The following TTC8 variants were observed in gnomAD, a reference collection of about 807,000 sequenced individuals.
TTC8 encodes the protein tetratricopeptide repeat protein 8.
In TTC8, 47 loss-of-function variants were observed where a neutral mutation model predicts 72.5. The observed-to-expected ratio is 0.65, with a 90% CI of 0.51 to 0.83. TTC8 has a LOEUF of 0.83. TTC8 is among the 40% of genes least tolerant of loss of function. TTC8 has a pLI of 0.00. For missense variants in TTC8, 611 were observed against 623.2 expected (o/e 0.98, Z 0.21); for synonymous variants, 199 against 221.4 (o/e 0.90, Z 0.90).
At chr14:88,870,376 C>CAG (rs2094928874) in intron 11 of TTC8, among the ~76,000 whole-genome samples, 178 bp downstream of exon 11, 1 of 152,186 alleles carries the variant, frequency 6.6e-6, no homozygotes, top group African/African-American at 2.4e-5. Context: ...TGGAAACATG[C>CAG]AGATGTCTGG....
Position 88,843,713 on chromosome 14 carries a change from T to A in TTC8, c.580-93T>A, listed in dbSNP as rs1595945689. The A allele has an allele frequency of 1.2e-5, 10 of 863,284 alleles. No individual in the cohort carries two copies. In the South Asian group the frequency reaches 1.5e-4, roughly 13 times the overall value. 53.5% of individuals were successfully genotyped at this position (863,284 alleles called of 1,614,324 possible). On this transcript the variant is annotated intron_variant, in intron 6 of 14. Transcript: ENST00000380656. ...ATAGTAACAAAAGATGGATAGGCCC[T>A]TTTATCTATAAATCCAGGGCTTTAG...
chr14:88,831,866 T>C (rs189348422), intron 1 of TTC8, among the ~76,000 whole-genome samples: 111 of 152,328 alleles, frequency 7.3e-4, no homozygotes, highest in African/African-American at 2.5e-3. Context: ...TCTCTGACTC[T>C]CTTATCTTCC....
At position 88,857,205 on chromosome 14, in the gene TTC8, T is replaced by G; in HGVS notation, c.726T>G (p.Arg242=). ...GKCYYRLGMY[R]EAEKQFKSAL... is the part of the protein sequence containing the mutation. Reference sequence around the variant, plus strand: ...CTATTTGTAGGTTGGGAATGTATCGTGAAGCAGAAAAACAGTTTAAATCAG... The same window carrying G: ...CTATTTGTAGGTTGGGAATGTATCGGGAAGCAGAAAAACAGTTTAAATCAG... The change falls in exon 9 of 15, where the codon CGT becomes CGG. Residue 242 remains arginine (R), a synonymous_variant. Transcript: ENST00000380656. 6.2e-7 allele frequency: 1 copy of G among 1,613,864 alleles called. No homozygotes were observed.
chr14:88,826,933 G>C (rs1445382020), intron 1 of TTC8, among the ~76,000 whole-genome samples: 6 of 152,086 alleles, frequency 3.9e-5, no homozygotes. Flanking sequence ...TAAAGGCTCT[G>C]AGTAGTTTTG....
chr14:88,878,039 C>G (rs373275265), downstream of TTC8: 22 of 152,148 alleles, frequency 1.4e-4, no homozygotes, highest in East Asian at 4.2e-3. Context: ...TCAGGTGAAA[C>G]AGGTTTTACA....
At position 88,840,724 on chromosome 14, in the gene TTC8, A is replaced by G. The variant is rs572653879; in HGVS notation, c.266-141A>G. ...ATAGGTACTCATTAAATATTAGTCT[A>G]AAACACATCTCCCTAAAATACATTT... On this transcript the variant is annotated intron_variant, in intron 3 of 14. Transcript: ENST00000380656. 1.2e-5 allele frequency: 10 copies of G among 816,118 alleles called. No individual in the cohort carries two copies. In the Admixed American group the frequency reaches 1.7e-4, roughly 14 times the overall value. The allele number at this position is 816,118 out of a possible 1,614,324, so 50.6% of individuals were successfully genotyped here.
intron 7 of TTC8, among the ~76,000 whole-genome samples, chr14:88,848,016 A>G (rs931853911): frequency 9.3e-5 from 14 of 150,238 alleles, no homozygotes; most frequent in Non-Finnish European, 1.5e-4. Flanking sequence ...CCAGCTACTC[A>G]GGAGGCTGAG....
Position 88,857,095 on chromosome 14 carries a change from G to A in TTC8, c.711-95G>A. On this transcript the variant is annotated intron_variant, in intron 8 of 14. Coordinates refer to ENST00000380656, the MANE Select transcript of TTC8 (RefSeq NM_144596.4). ...TGCAACATTACCTTCCTTGGTATGTGCTTCCTCTTATAATTTGTCTCTATT... is the reference window on the plus strand; with the variant it reads ...TGCAACATTACCTTCCTTGGTATGTACTTCCTCTTATAATTTGTCTCTATT... 2.8e-6 allele frequency: 3 copies of A among 1,054,772 alleles called. 1 individual carries two copies. The South Asian group carries it at 3.8e-5, about 13-fold the overall frequency. The allele number at this position is 1,054,772 out of a possible 1,614,324, so 65.3% of individuals were successfully genotyped here.
rs2094932759 is a variant in TTC8 at position 88,871,288 on chromosome 14, A to C, written c.1050-261A>C. 6.6e-6 allele frequency among the ~76,000 whole-genome samples: 1 copy of C among 152,226 alleles called. No homozygotes were observed. On this transcript the variant is annotated intron_variant, in intron 11 of 14. Transcript: ENST00000380656. This position sits in a 1 kb window ranked among gnomAD's most constrained non-coding sequence, Gnocchi z 4.1. ...TATTTCTTATTTTGGTTCTCTAACAAAGCATTTGGGGAGAAAACTTAGATC... is the reference window on the plus strand; with the variant it reads ...TATTTCTTATTTTGGTTCTCTAACACAGCATTTGGGGAGAAAACTTAGATC...
At chr14:88,826,189 C>A (rs1171650891) in intron 1 of TTC8, among the ~76,000 whole-genome samples, 1 of 151,438 alleles carries the variant, frequency 6.6e-6, no homozygotes. Flanking sequence ...GGGATTTCAC[C>A]GTGTTAGCCA....
chr14:88,845,777 G>A (rs1316570581), intron 7 of TTC8, among the ~76,000 whole-genome samples: 3 of 152,100 alleles, frequency 2.0e-5, no homozygotes, highest in Non-Finnish European at 4.4e-5. Context: ...TTCATCCAAT[G>A]TATGTTTGAA....
At chr14:88,825,629 T>C (rs1242553635) in intron 1 of TTC8, among the ~76,000 whole-genome samples, 1 of 152,198 alleles carries the variant, frequency 6.6e-6, no homozygotes, top group Non-Finnish European at 1.5e-5. Flanking sequence ...CTGCGGCAGT[T>C]TGTCAGTGCT....
At chr14:88,838,191 G>A (rs1453231546) in intron 2 of TTC8, among the ~76,000 whole-genome samples, 1 of 152,054 alleles carries the variant, frequency 6.6e-6, no homozygotes, top group Non-Finnish European at 1.5e-5. Flanking sequence ...GCTCACAAAA[G>A]GATCTTTGCT....
rs1355807780 is a variant in TTC8, at chr14:88,870,167, G to C, written c.1018G>C (p.Asp340His). 2 of 1,614,092 alleles carry C rather than the reference G, an allele frequency of 1.2e-6. No homozygotes were observed. The highest frequency in any genetic ancestry group is 2.2e-5 in the South Asian group (2 of 91,082). ...ACIGSNHFYS[D>H]QPEIALRFYR... The stretch of plus-strand genomic sequence containing the variant: ...CATTGGAAGCAACCACTTCTATTCT[G>C]ATCAGCCAGAAATAGCTCTCCGGTT... The change falls in exon 11 of 15, where the codon GAT (aspartate) becomes CAT (histidine). Residue 340 changes from aspartate to histidine, a missense_variant. By Grantham distance (81) the Asp-to-His change is moderately conservative. Coordinates refer to ENST00000380656, the MANE Select transcript of TTC8 (RefSeq NM_144596.4).
Position 88,847,557 on chromosome 14 carries a change from T to A in TTC8, c.624+3707T>A, listed in dbSNP as rs192982094. 2.1e-4 allele frequency among the ~76,000 whole-genome samples: 32 copies of A among 152,362 alleles called. No homozygotes were observed. The South Asian group carries it at 4.1e-3, about 20-fold the overall frequency. On this transcript the variant is annotated intron_variant, in intron 7 of 14. Transcript: ENST00000380656. Reference sequence around the variant, plus strand: ...TCGTTGACTCTTTTATCTTTATGATTCATTAAATGACACTTGAGAAAATTT... The same window carrying A: ...TCGTTGACTCTTTTATCTTTATGATACATTAAATGACACTTGAGAAAATTT...
chr14:88,838,873 C>G (rs1047665026), intron 2 of TTC8, among the ~76,000 whole-genome samples: 7 of 152,026 alleles, frequency 4.6e-5, no homozygotes, highest in Non-Finnish European at 1.0e-4. Context: ...TCAGTTCAAC[C>G]AACATTTCTT....
rs58386624 is a variant in TTC8 at position 88,874,430 on chromosome 14, C to CA, written c.1348-586dup. ...CTCTGCATTGATGATCCTATGATCACAAAAAAAAAATGTGAATGTTATATT... is the reference window on the plus strand; with the variant it reads ...CTCTGCATTGATGATCCTATGATCACAAAAAAAAAAATGTGAATGTTATATT... On this transcript the variant is annotated intron_variant, in intron 13 of 14. Transcript: ENST00000380656. 3.9e-4 allele frequency among the ~76,000 whole-genome samples: 57 copies of CA among 145,258 alleles called. No individual in the cohort carries two copies. In the Middle Eastern group the frequency reaches 0.011, roughly 27 times the overall value.
At chr14:88,852,613 G>A (rs1302596275) in intron 7 of TTC8, among the ~76,000 whole-genome samples, 3 of 152,170 alleles carry the variant, frequency 2.0e-5, no homozygotes, top group South Asian at 2.1e-4. Flanking sequence ...TGACTGCCAC[G>A]GAGTTTGGAG....
intron 9 of TTC8, among the ~76,000 whole-genome samples, chr14:88,858,754 ATTT>A (rs138871136): frequency 0.09 from 7,770 of 86,418 alleles, 283 homozygotes; most frequent in African/African-American, 0.11. Context: ...TGCCTGGATA[ATTT>A]TTTTTTTTTT....
Sources: gnomAD v4.1 joint callset for allele counts (sites outside exome capture counted in the v4.1 genomes callset) on GRCh38, gnomAD v4.1.1 for gene constraint, Gnocchi (gnomAD v3.1) non-coding constraint, MANE v1.5 for transcripts, NCBI Gene and HGNC (gene_info 2026-07-23, HGNC 2026-07-21) for gene names.